Variants in KCNQ5 observed in about 807,000 individuals in gnomAD.
The protein encoded by KCNQ5 is potassium voltage-gated channel subfamily KQT member 5.
In KCNQ5, 30 loss-of-function variants were observed where a neutral mutation model predicts 98.2. The observed-to-expected ratio is 0.31, with a 90% CI of 0.23 to 0.41. The LOEUF (loss-of-function observed/expected upper bound fraction) is 0.41. KCNQ5 is among the 10% of genes least tolerant of loss of function. The pLI is 1.00. For synonymous variants in KCNQ5, 458 were observed against 449.4 expected (o/e 1.02, Z -0.24); for missense variants, 835 against 1,182.5 (o/e 0.71, Z 4.31).
chr6:73,008,084 C>T (rs967297498), intron 2 of KCNQ5, among the ~76,000 whole-genome samples: 1 of 146,926 alleles, frequency 6.8e-6, no homozygotes, highest in African/African-American at 2.5e-5. Flanking sequence ...ATGGCAACCA[C>T]AAAGAAAATA....
chr6:72,970,940 C>A (rs1387986610), intron 1 of KCNQ5, among the ~76,000 whole-genome samples: 1 of 152,182 alleles, frequency 6.6e-6, no homozygotes, highest in Non-Finnish European at 1.5e-5. Context: ...TAGGCATGGG[C>A]AAGGACTTCA....
intron 1 of KCNQ5, among the ~76,000 whole-genome samples, chr6:72,925,129 A>G (rs57297293): frequency 0.029 from 4,430 of 152,260 alleles, 185 homozygotes; most frequent in African/African-American, 0.086. Context: ...CTCTTAATAA[A>G]GGGAATAATT....
At chr6:72,679,438 T>C (rs750295284) in intron 1 of KCNQ5, among the ~76,000 whole-genome samples, 4 of 151,844 alleles carry the variant, frequency 2.6e-5, no homozygotes, top group Admixed American at 6.6e-5. Flanking sequence ...ATGGATGAAA[T>C]TGGAAATCAT....
intron 1 of KCNQ5, among the ~76,000 whole-genome samples, chr6:72,955,563 T>C (rs1767001121): frequency 6.6e-6 from 1 of 152,224 alleles, no homozygotes; most frequent in African/African-American, 2.4e-5. Context: ...ATGTATATTC[T>C]AGGTGATTTA....
At chr6:72,969,166 T>C (rs1767753784) in intron 1 of KCNQ5, among the ~76,000 whole-genome samples, 1 of 152,210 alleles carries the variant, frequency 6.6e-6, no homozygotes, top group Admixed American at 6.5e-5. Context: ...ACACAATATA[T>C]GTTTACAACC....
chr6:72,985,931 G>A (rs537107090), intron 1 of KCNQ5, among the ~76,000 whole-genome samples: 14 of 152,166 alleles, frequency 9.2e-5, no homozygotes, highest in East Asian at 7.7e-4. Context: ...ATGGTGGATC[G>A]GATAAAGAAA....
At chr6:72,954,603 GGCTATGTCTT>G (rs1404845904) in intron 1 of KCNQ5, among the ~76,000 whole-genome samples, 1 of 151,810 alleles carries the variant, frequency 6.6e-6, no homozygotes, top group African/African-American at 2.4e-5. Flanking sequence ...TAGGATAATA[GGCTATGTCTT>G]GCTAATCTAT....
rs3734510 is a variant in KCNQ5, at chr6:73,192,423, A to G, written c.1710-142A>G. ...AATCTCATGTTCAAATAAGCATATCAACTGGAACAAGTTCTTTCTTATTTC... is the reference window on the plus strand; with the variant it reads ...AATCTCATGTTCAAATAAGCATATCGACTGGAACAAGTTCTTTCTTATTTC... On this transcript the variant is annotated intron_variant, in intron 12 of 13. Transcript: ENST00000370398. 2.1e-5 allele frequency: 14 copies of G among 665,980 alleles called. No homozygotes were observed. The East Asian group carries it at 4.3e-4, about 20-fold the overall frequency. 41.3% of individuals were successfully genotyped at this position (665,980 alleles called of 1,614,324 possible).
At chr6:72,951,910 G>A (rs544590405) in intron 1 of KCNQ5, among the ~76,000 whole-genome samples, 2 of 152,122 alleles carry the variant, frequency 1.3e-5, no homozygotes, top group South Asian at 4.1e-4. Context: ...GAGATTGAGG[G>A]AACTGAGTGG....
intron 2 of KCNQ5, among the ~76,000 whole-genome samples, chr6:73,026,014 C>G (rs1027998403): frequency 2.0e-5 from 3 of 152,182 alleles, no homozygotes; most frequent in South Asian, 4.1e-4. Context: ...AGCTTAGATT[C>G]TCATTCCTAT....
intron 11 of KCNQ5, among the ~76,000 whole-genome samples, chr6:73,190,091 A>C (rs1050982372): frequency 1.1e-4 from 16 of 149,584 alleles, no homozygotes; most frequent in East Asian, 2.0e-4. Context: ...GAAAAAAAAA[A>C]CACAAATTTC....
At chr6:72,755,914 C>T (rs1361623792) in intron 1 of KCNQ5, among the ~76,000 whole-genome samples, 2 of 152,110 alleles carry the variant, frequency 1.3e-5, no homozygotes, top group Non-Finnish European at 2.9e-5. Context: ...GCCTGTCCTC[C>T]AGCAGCAGGC....
chr6:73,015,756 C>T (rs957350231), intron 2 of KCNQ5, among the ~76,000 whole-genome samples: 1 of 152,104 alleles, frequency 6.6e-6, no homozygotes, highest in Non-Finnish European at 1.5e-5. Context: ...ATAAATTTTA[C>T]AGGGTTACTG....
At chr6:72,958,736 A>T (rs777442964) in intron 1 of KCNQ5, among the ~76,000 whole-genome samples, 1 of 152,258 alleles carries the variant, frequency 6.6e-6, no homozygotes, top group Non-Finnish European at 1.5e-5. Context: ...CCAGTGGCAT[A>T]AATGGAAGAA....
intron 1 of KCNQ5, among the ~76,000 whole-genome samples, chr6:72,707,155 T>C (rs868367059): frequency 6.6e-6 from 1 of 152,360 alleles, no homozygotes; most frequent in Middle Eastern, 3.4e-3. Flanking sequence ...TGCGTGCATA[T>C]TCACAAAGCC....
intron 3 of KCNQ5, among the ~76,000 whole-genome samples, chr6:73,046,070 CTAATA>C (rs1272030694): frequency 5.9e-5 from 9 of 152,058 alleles, no homozygotes; most frequent in Non-Finnish European, 1.3e-4. Flanking sequence ...TGAGACTACT[CTAATA>C]TATCTATGAT....
At chr6:72,853,895 G>A (rs1477242877) in intron 1 of KCNQ5, among the ~76,000 whole-genome samples, 1 of 152,132 alleles carries the variant, frequency 6.6e-6, no homozygotes, top group East Asian at 1.9e-4. Context: ...TTAGAGAAAT[G>A]TATAGTTGGA....
intron 1 of KCNQ5, among the ~76,000 whole-genome samples, chr6:72,795,010 T>C (rs1370371577): frequency 3.3e-5 from 5 of 152,212 alleles, no homozygotes; most frequent in African/African-American, 7.2e-5. Context: ...TGTTAAGTTG[T>C]CTATCTCTCT....
In KCNQ5 at chr6:72,622,137, G is replaced by A. The variant is rs926264018; in HGVS notation, c.-53G>A. ...GAAACCCGCCGGCGCACATGAGGCC[G>A]CTGCCCCCGCCGCAGGCGCTGGCGG... On this transcript the variant is annotated 5_prime_UTR_variant, in exon 1 of 14. Transcript: ENST00000370398. The surrounding 1 kb of genome is among the most constrained non-coding windows in gnomAD (Gnocchi z 6.0). 3.3e-6 allele frequency: 4 copies of A among 1,208,406 alleles called. No homozygotes were observed. Among genetic ancestry groups the A allele is most frequent in the South Asian group, 4.2e-5 (1 of 23,780 alleles). The allele number at this position is 1,208,406 out of a possible 1,614,324, so 74.9% of individuals were successfully genotyped here.
Sources: gnomAD v4.1 joint callset for allele counts (sites outside exome capture counted in the v4.1 genomes callset) on GRCh38, gnomAD v4.1.1 for gene constraint, Gnocchi (gnomAD v3.1) non-coding constraint, MANE v1.5 for transcripts, NCBI Gene and HGNC (gene_info 2026-07-23, HGNC 2026-07-21) for gene names.